The following KAZN variants were observed in gnomAD, a reference collection of about 807,000 sequenced individuals.
KAZN encodes the protein kazrin.
In KAZN, 40 loss-of-function variants were observed where a neutral mutation model predicts 87.4. The observed-to-expected ratio is 0.46, with a 90% CI of 0.36 to 0.60. The LOEUF (loss-of-function observed/expected upper bound fraction) is 0.60, where lower values mean the gene tolerates loss of function less well. KAZN is among the 20% of genes least tolerant of loss of function. The pLI is 0.00. For missense variants in KAZN, 898 were observed against 1,073.9 expected (o/e 0.84, Z 2.29); for synonymous variants, 466 against 458.3 (o/e 1.02, Z -0.22).
chr1:14,633,155 G>C (rs1679702437), intron 1 of KAZN, among the ~76,000 whole-genome samples: 1 of 152,080 alleles, frequency 6.6e-6, no homozygotes, highest in Admixed American at 6.5e-5. Context: ...GACCTCAAGT[G>C]ATCCACCTGC....
intron 2 of KAZN, among the ~76,000 whole-genome samples, chr1:14,527,772 G>GAACT (rs1430700308): frequency 2.0e-5 from 3 of 152,012 alleles, no homozygotes; most frequent in Non-Finnish European, 2.9e-5. Context: ...GCTCTAGTGG[G>GAACT]AACTAATAGA....
At chr1:14,108,397 T>C (rs1452741263) in intron 1 of KAZN, among the ~76,000 whole-genome samples, 1 of 152,174 alleles carries the variant, frequency 6.6e-6, no homozygotes, top group Non-Finnish European at 1.5e-5. Flanking sequence ...TGTGTCCTGC[T>C]CTAATTGTGT....
intron 1 of KAZN, among the ~76,000 whole-genome samples, chr1:14,671,960 GA>G (rs1297013193): frequency 6.6e-6 from 1 of 152,160 alleles, no homozygotes; most frequent in Non-Finnish European, 1.5e-5. Flanking sequence ...ACTCTCTTTA[GA>G]AAAGAGAATA....
chr1:14,512,388 G>A (rs1571832345), intron 2 of KAZN, among the ~76,000 whole-genome samples: 1 of 151,992 alleles, frequency 6.6e-6, no homozygotes, highest in Non-Finnish European at 1.5e-5. Context: ...CTCTACCCAC[G>A]GGATGCCAGC....
chr1:14,818,452 C>T (rs1646638282), intron 1 of KAZN, among the ~76,000 whole-genome samples: 1 of 152,222 alleles, frequency 6.6e-6, no homozygotes, highest in African/African-American at 2.4e-5. Flanking sequence ...GCGATACCAC[C>T]TCTACTTCTT....
chr1:15,114,561 G>A lies in KAZN; in HGVS notation c.2254G>A (p.Asp752Asn). The change falls in exon 15 of 15, where the codon GAC (aspartate) becomes AAC (asparagine). Residue 752 changes from aspartate (D) to asparagine (N), a missense_variant. Around this residue, in one of 3 missense-constraint regions of KAZN, gnomAD observed 127 missense variants for 121.5 expected, o/e 1.04. Transcript: ENST00000376030. ...YGSLQNEDCGDDDPQSRLEQC... is the reference protein window; with the variant it reads ...YGSLQNEDCGNDDPQSRLEQC... ...CTCTCTTCAAAACGAAGATTGCGGAGACGATGACCCCCAGAGCAGGCTGGA... is the reference window on the plus strand; with the variant it reads ...CTCTCTTCAAAACGAAGATTGCGGAAACGATGACCCCCAGAGCAGGCTGGA... 1 of 1,608,322 alleles carries A rather than the reference G, an allele frequency of 6.2e-7. No individual in the cohort carries two copies. Among genetic ancestry groups the A allele is most frequent in the African/African-American group, 1.3e-5 (1 of 74,936 alleles).
chr1:14,921,153 AACACACAC>A (rs55766387), intron 1 of KAZN, among the ~76,000 whole-genome samples: 14 of 144,508 alleles, frequency 9.7e-5, no homozygotes, highest in South Asian at 7.0e-4. Context: ...CTGAGCATGC[AACACACAC>A]ACACACACAC....
chr1:14,688,278 C>T (rs932891729), intron 1 of KAZN, among the ~76,000 whole-genome samples: 26 of 152,312 alleles, frequency 1.7e-4, no homozygotes, highest in African/African-American at 5.8e-4. Flanking sequence ...ACTGTGGGCA[C>T]TTTCCCTCGC....
intron 1 of KAZN, among the ~76,000 whole-genome samples, chr1:13,951,914 G>A (rs2100998560): frequency 6.6e-6 from 1 of 152,260 alleles, no homozygotes; most frequent in East Asian, 1.9e-4. Flanking sequence ...TGGTTATCTG[G>A]CCTGCCCTAG....
intron 1 of KAZN, among the ~76,000 whole-genome samples, chr1:14,711,916 C>T (rs890713329): frequency 6.6e-6 from 1 of 152,184 alleles, no homozygotes; most frequent in African/African-American, 2.4e-5. Flanking sequence ...GCCATTAGGA[C>T]CGGGACAGCT....
chr1:14,970,052 G>T (rs1284090796), intron 2 of KAZN, among the ~76,000 whole-genome samples: 2 of 152,154 alleles, frequency 1.3e-5, no homozygotes, highest in African/African-American at 4.8e-5. Flanking sequence ...GACTTCAAGT[G>T]ATTCACCTGC....
intron 2 of KAZN, among the ~76,000 whole-genome samples, chr1:14,473,850 C>T (rs189771204): frequency 1.2e-4 from 19 of 152,236 alleles, no homozygotes; most frequent in African/African-American, 4.3e-4. Flanking sequence ...ATGGAACCCT[C>T]TGGTTATCTG....
chr1:15,076,856 T>C (rs1261407637), intron 8 of KAZN, among the ~76,000 whole-genome samples: 1 of 152,148 alleles, frequency 6.6e-6, no homozygotes, highest in African/African-American at 2.4e-5. Flanking sequence ...TGCAAACATA[T>C]ATTAGGGTGA....
intron 2 of KAZN, among the ~76,000 whole-genome samples, chr1:15,016,478 G>C (rs1271721520): frequency 6.6e-6 from 1 of 151,866 alleles, no homozygotes; most frequent in East Asian, 1.9e-4. Context: ...TACAGACAGA[G>C]TTTCACCATG....
chr1:14,450,925 C>T (rs1260616716), intron 2 of KAZN, among the ~76,000 whole-genome samples: 2 of 152,000 alleles, frequency 1.3e-5, no homozygotes, highest in African/African-American at 4.8e-5. Flanking sequence ...TAGTGTCATC[C>T]TCTCGGTGCT....
Position 14,764,389 on chromosome 1 carries a change from C to G in KAZN, c.226+165166C>G, listed in dbSNP as rs867289625. 4.1e-5 allele frequency among the ~76,000 whole-genome samples: 6 copies of G among 146,624 alleles called. No homozygotes were observed. In the Middle Eastern group the frequency reaches 0.01, roughly 253 times the overall value. ...CACTCCCGACCCCCTCCCCCACACC[C>G]CCCCCACAATGTGGGCATTCCTTCC... On this transcript the variant is annotated intron_variant, in intron 1 of 14. Coordinates refer to ENST00000376030, the MANE Select transcript of KAZN (RefSeq NM_201628.3).
intron 2 of KAZN, among the ~76,000 whole-genome samples, chr1:14,558,438 T>TG (rs536786211): frequency 7.2e-5 from 11 of 152,192 alleles, no homozygotes; most frequent in Non-Finnish European, 1.6e-4. Context: ...TTAGCAAGGA[T>TG]TATCGTTTGT....
intron 1 of KAZN, among the ~76,000 whole-genome samples, chr1:14,617,712 G>A (rs761141182): frequency 1.3e-5 from 2 of 152,190 alleles, no homozygotes; most frequent in African/African-American, 4.8e-5. Flanking sequence ...GTGTCCCATG[G>A]AAGACCTGTA....
chr1:14,312,250 A>C (rs1174137955), intron 2 of KAZN, among the ~76,000 whole-genome samples: 1 of 152,140 alleles, frequency 6.6e-6, no homozygotes, highest in African/African-American at 2.4e-5. Flanking sequence ...TCATTTCCTC[A>C]AAACACCTGA....
Sources: gnomAD v4.1 joint callset for allele counts (sites outside exome capture counted in the v4.1 genomes callset) on GRCh38, gnomAD v4.1.1 for gene constraint, gnomAD v4.1.1 regional missense constraint, MANE v1.5 for transcripts, NCBI Gene and HGNC (gene_info 2026-07-23, HGNC 2026-07-21) for gene names.